GLIS3: variants seen among roughly 807,000 people sequenced by gnomAD.
The protein encoded by GLIS3 is zinc finger protein GLIS3.
GLIS3 carries 53 observed loss-of-function variants against 78.6 expected under a neutral mutation model. The observed-to-expected ratio is 0.67, with a 90% CI of 0.54 to 0.85. The LOEUF (loss-of-function observed/expected upper bound fraction) is 0.85, where lower values mean the gene tolerates loss of function less well. Among genes scored for constraint, GLIS3 ranks in the 40% least tolerant of loss-of-function variants. The pLI is 0.00. For synonymous variants in GLIS3, 684 were observed against 509.9 expected (o/e 1.34, Z -4.60); for missense variants, 1,703 against 1,231.1 (o/e 1.38, Z -5.74).
the GLIS3 span, among the ~76,000 whole-genome samples, chr9:4,432,638 C>CTT: frequency 8.7e-4 from 99 of 113,506 alleles, 1 homozygote; most frequent in African/African-American, 1.6e-3. Context: ...TTTTTATTTC[C>CTT]TTTTTTTTTT....
At chr9:4,054,292 C>G in intron 4 of GLIS3, 2 of 972,584 alleles carry the variant, frequency 2.1e-6, no homozygotes, top group Non-Finnish European at 2.4e-6. Context: ...CCAGAGCCTG[C>G]AAACAACGTA....
chr9:4,186,268 G>A (rs376291026), intron 2 of GLIS3, among the ~76,000 whole-genome samples: 9 of 151,158 alleles, frequency 6.0e-5, no homozygotes, highest in Non-Finnish European at 1.0e-4. Context: ...TTGTCCTTGC[G>A]ATACTTTACT....
intron 2 of GLIS3, among the ~76,000 whole-genome samples, chr9:4,133,663 T>G (rs1326726203): frequency 3.3e-5 from 5 of 152,204 alleles, no homozygotes; most frequent in African/African-American, 7.2e-5. Flanking sequence ...TTAAAAAGTC[T>G]AATATATGTA....
At chr9:4,292,209 GA>G (rs1304491193) in intron 1 of GLIS3, among the ~76,000 whole-genome samples, 2 of 152,160 alleles carry the variant, frequency 1.3e-5, no homozygotes, top group Non-Finnish European at 2.9e-5. Context: ...GGTGGTCCAT[GA>G]AATTAATTGT....
chr9:3,889,210 C>G (rs1250437598), intron 7 of GLIS3, among the ~76,000 whole-genome samples: 2 of 152,202 alleles, frequency 1.3e-5, no homozygotes, highest in Non-Finnish European at 2.9e-5. Flanking sequence ...GAGGCAGTTT[C>G]TTCCTAAGTG....
chr9:4,396,495 A>G, the GLIS3 span, among the ~76,000 whole-genome samples: 1 of 152,216 alleles, frequency 6.6e-6, no homozygotes, highest in African/African-American at 2.4e-5. Context: ...CTATTTTAAA[A>G]TAATGACAAT....
At chr9:4,268,859 C>A (rs1350358233) in intron 2 of GLIS3, among the ~76,000 whole-genome samples, 1 of 152,208 alleles carries the variant, frequency 6.6e-6, no homozygotes, top group East Asian at 1.9e-4. Context: ...TATCTCCCAA[C>A]CCCTTCCTTT....
At chr9:3,907,049 C>G (rs1823754807) in intron 6 of GLIS3, among the ~76,000 whole-genome samples, 1 of 152,134 alleles carries the variant, frequency 6.6e-6, no homozygotes, top group African/African-American at 2.4e-5. Flanking sequence ...ACAAGAAGAA[C>G]TGCAGAATCC....
At chr9:4,280,971 C>G (rs1268160640) in intron 2 of GLIS3, among the ~76,000 whole-genome samples, 1 of 152,164 alleles carries the variant, frequency 6.6e-6, no homozygotes, top group African/African-American at 2.4e-5. Flanking sequence ...CTCAGTGTTT[C>G]AGTAATTTTT....
chr9:4,202,260 C>G (rs1819472153), intron 2 of GLIS3, among the ~76,000 whole-genome samples: 1 of 146,884 alleles, frequency 6.8e-6, no homozygotes, highest in Non-Finnish European at 1.5e-5. Flanking sequence ...ATGCCATTCT[C>G]CTGCCTCAGC....
intron 4 of GLIS3, among the ~76,000 whole-genome samples, chr9:4,062,846 A>G (rs10974312): frequency 0.51 from 77,604 of 151,456 alleles, 22,872 homozygotes; most frequent in South Asian, 0.7. Flanking sequence ...GGAGAATGGC[A>G]TGAACCCAGG....
Position 4,008,530 on chromosome 9 carries a change from C to T in GLIS3, c.1711-71341G>A, listed in dbSNP as rs964152958. ...GCAGAATTCTGTGTAGGTGACATAC[C>T]TCCAGGTGTTCCCTTATCCTTAGCT... On this transcript the variant is annotated intron_variant, in intron 4 of 10. Transcript: ENST00000381971. 3.3e-5 allele frequency among the ~76,000 whole-genome samples: 5 copies of T among 152,144 alleles called. No individual in the cohort carries two copies. In the East Asian group the frequency reaches 9.6e-4, roughly 29 times the overall value.
intron 2 of GLIS3, among the ~76,000 whole-genome samples, chr9:4,141,548 T>C (rs1227635518): frequency 6.6e-6 from 1 of 152,206 alleles, no homozygotes; most frequent in Non-Finnish European, 1.5e-5. Context: ...CTTGGTAGTG[T>C]ATCAGGCCAC....
At chr9:4,436,752 G>A in the GLIS3 span, among the ~76,000 whole-genome samples, 1 of 140,150 alleles carries the variant, frequency 7.1e-6, no homozygotes, top group Non-Finnish European at 1.5e-5. Flanking sequence ...GTTGCAGTGA[G>A]CCGAGATTGC....
At chr9:4,059,122 A>C (rs1826407784) in intron 4 of GLIS3, among the ~76,000 whole-genome samples, 1 of 152,180 alleles carries the variant, frequency 6.6e-6, no homozygotes, top group Admixed American at 6.5e-5. Context: ...ATCAGATTCA[A>C]ATCACCACTG....
intron 2 of GLIS3, among the ~76,000 whole-genome samples, chr9:4,184,499 G>C (rs930143769): frequency 5.3e-5 from 8 of 152,210 alleles, no homozygotes; most frequent in Non-Finnish European, 1.0e-4. Flanking sequence ...GAGCATCTGA[G>C]ACTGAGGAGC....
At chr9:4,442,773 T>C in the GLIS3 span, among the ~76,000 whole-genome samples, 12 of 152,352 alleles carry the variant, frequency 7.9e-5, no homozygotes, top group African/African-American at 2.6e-4. Flanking sequence ...GTTATTAAAA[T>C]GAAGGCTTAT....
the GLIS3 span, among the ~76,000 whole-genome samples, chr9:4,370,356 C>A: frequency 1.3e-5 from 2 of 152,168 alleles, no homozygotes; most frequent in African/African-American, 4.8e-5. Flanking sequence ...GCTCCTCCTA[C>A]CCTTCCCTGA....
chr9:4,302,024 C>T (rs73641411), upstream of GLIS3, among the ~76,000 whole-genome samples: 4,984 of 149,342 alleles, frequency 0.033, 157 homozygotes, highest in Admixed American at 0.1. Flanking sequence ...GAATGTAGAT[C>T]TGCAATGTTC....
Sources: gnomAD v4.1 joint callset for allele counts (sites outside exome capture counted in the v4.1 genomes callset) on GRCh38, gnomAD v4.1.1 for gene constraint, MANE v1.5 for transcripts, NCBI Gene and HGNC (gene_info 2026-07-23, HGNC 2026-07-21) for gene names.